The following TIAM1 variants were observed in gnomAD, a reference collection of about 807,000 sequenced individuals.
The protein encoded by TIAM1 is TIAM Rac1 associated GEF 1.
In TIAM1, 65 loss-of-function variants were observed where a neutral mutation model predicts 163.5. The observed-to-expected ratio is 0.40, with a 90% CI of 0.33 to 0.49. The LOEUF (loss-of-function observed/expected upper bound fraction) is 0.49, where lower values mean the gene tolerates loss of function less well. TIAM1 is among the 20% of genes least tolerant of loss of function. The probability of loss-of-function intolerance (pLI) is 0.77; values close to 1 mark genes in which losing one functional copy is unlikely to be tolerated. For synonymous variants in TIAM1, 833 were observed against 810.1 expected, an observed-to-expected ratio of 1.03 and a Z score of -0.48; for missense variants, 1,789 against 2,044.7, an observed-to-expected ratio of 0.87 and a Z score of 2.41.
At chr21:31,476,355 G>A (rs1349580217) in intron 1 of TIAM1, among the ~76,000 whole-genome samples, 2 of 152,156 alleles carry the variant, frequency 1.3e-5, no homozygotes, top group African/African-American at 4.8e-5. Context: ...TGCAAAATTT[G>A]TCTTCTCTTT....
chr21:31,397,277 A>G (rs1001968533), intron 2 of TIAM1, among the ~76,000 whole-genome samples: 2 of 152,206 alleles, frequency 1.3e-5, no homozygotes, highest in African/African-American at 2.4e-5. Flanking sequence ...GTCATTTTAT[A>G]AACAGCAAAA....
At chr21:31,137,008 G>A (rs1325854739) in intron 22 of TIAM1, among the ~76,000 whole-genome samples, 7 of 152,228 alleles carry the variant, frequency 4.6e-5, no homozygotes, top group African/African-American at 1.4e-4. Flanking sequence ...GCGGTCACAC[G>A]CTAAACTGTC....
chr21:31,153,842 C>T (rs1393042140), intron 17 of TIAM1, among the ~76,000 whole-genome samples: 1 of 151,956 alleles, frequency 6.6e-6, no homozygotes, highest in Non-Finnish European at 1.5e-5. Context: ...GGGAGGATCG[C>T]TTGAGCCCAT....
chr21:31,229,753 A>G (rs2088296992), intron 6 of TIAM1, among the ~76,000 whole-genome samples: 1 of 151,974 alleles, frequency 6.6e-6, no homozygotes, highest in South Asian at 2.1e-4. Flanking sequence ...CCCAAGTTCA[A>G]GAGATTCTCC....
chr21:31,123,096 A>G (rs1249306428), intron 27 of TIAM1, among the ~76,000 whole-genome samples: 1 of 152,224 alleles, frequency 6.6e-6, no homozygotes, highest in Non-Finnish European at 1.5e-5. Flanking sequence ...ATGACGGACG[A>G]TGGTGTTAAA....
intron 13 of TIAM1, among the ~76,000 whole-genome samples, chr21:31,194,173 T>C (rs997956233): frequency 1.3e-5 from 2 of 152,012 alleles, no homozygotes; most frequent in African/African-American, 4.8e-5. Flanking sequence ...TAAACCCACT[T>C]CTTGTGTGTC....
At chr21:31,527,076 G>A (rs1019457092) in intron 1 of TIAM1, among the ~76,000 whole-genome samples, 3 of 152,114 alleles carry the variant, frequency 2.0e-5, no homozygotes, top group African/African-American at 4.8e-5. Context: ...CACACACTGT[G>A]GAACAGACAC....
Position 31,245,589 on chromosome 21 carries a change from C to A in TIAM1, c.1483G>T (p.Val495Phe). The A allele has an allele frequency of 6.2e-7, 1 of 1,608,416 alleles. No individual in the cohort carries two copies. The highest frequency in any genetic ancestry group is 1.1e-5 in the South Asian group (1 of 89,802). ...IDHNSIPKHAVWVENSIVQAV... is the reference protein window; with the variant it reads ...IDHNSIPKHAFWVENSIVQAV... Reference sequence around the variant, plus strand: ...TGCACAATGCTGTTCTCCACCCAGACGGCGTGTTTGGGGATGCTGTTGTGG... The same window carrying A: ...TGCACAATGCTGTTCTCCACCCAGAAGGCGTGTTTGGGGATGCTGTTGTGG... Residue 495 changes from valine to phenylalanine, a missense_variant, in exon 6 of 28, where the codon GTC (valine) becomes TTC (phenylalanine). Around this residue, in one of 5 missense-constraint regions of TIAM1, gnomAD observed 456 missense variants for 586.6 expected, o/e 0.78. Transcript: ENST00000541036.
intron 1 of TIAM1, among the ~76,000 whole-genome samples, chr21:31,556,267 T>C (rs2048875040): frequency 1.3e-5 from 2 of 152,194 alleles, no homozygotes; most frequent in South Asian, 4.1e-4. Flanking sequence ...CTAGCAACAA[T>C]GCTACTGGCC....
At chr21:31,131,057 A>C in intron 23 of TIAM1, 109 bp from the exon 24 acceptor site, 1 of 861,364 alleles carries the variant, frequency 1.2e-6, no homozygotes, top group Non-Finnish European at 1.8e-6. Context: ...GGACGTTGAG[A>C]TCCCAGTTAA....
chr21:31,435,023 G>C (rs981680377), intron 2 of TIAM1, among the ~76,000 whole-genome samples: 1 of 152,232 alleles, frequency 6.6e-6, no homozygotes, highest in Non-Finnish European at 1.5e-5. Flanking sequence ...AGATCAGTCT[G>C]AACAGACTAC....
At chr21:31,228,250 A>AGGATTTTTCCTTT (rs2088170561) in intron 6 of TIAM1, among the ~76,000 whole-genome samples, 2 of 133,042 alleles carry the variant, frequency 1.5e-5, no homozygotes, top group African/African-American at 7.1e-5. Context: ...AAAAAAAAAA[A>AGGATTTTTCCTTT]AAAAAAAAAG....
rs1422879435 is a variant in TIAM1 at position 31,119,124 on chromosome 21, T to C, written c.*1244A>G. 6.6e-6 allele frequency: 1 copy of C among 150,790 alleles called. No homozygotes were observed. The highest frequency in any genetic ancestry group is 1.5e-5 in the Non-Finnish European group (1 of 68,164). 9.3% of individuals were successfully genotyped at this position (150,790 alleles called of 1,614,324 possible). A position where few individuals can be genotyped will look rare whatever the true frequency, so the allele number is the denominator to read the frequency against. On this transcript the variant is annotated 3_prime_UTR_variant, in exon 28 of 28. Coordinates refer to ENST00000541036, the MANE Select transcript of TIAM1 (RefSeq NM_001353694.2). ...CCTTTTTTTAAAAAAAAAAAAAAAA[T>C]TGAAAGTGCTATAACTTGTTTTTCT...
At chr21:31,312,002 A>C (rs2074948896) in intron 2 of TIAM1, among the ~76,000 whole-genome samples, 1 of 152,214 alleles carries the variant, frequency 6.6e-6, no homozygotes, top group Admixed American at 6.5e-5. Flanking sequence ...CTTGAACATC[A>C]GACTCCAAGT....
chr21:31,322,864 C>G (rs137864006), intron 2 of TIAM1, among the ~76,000 whole-genome samples: 1 of 152,190 alleles, frequency 6.6e-6, no homozygotes, highest in East Asian at 1.9e-4. Context: ...TTCAGCCAGG[C>G]GGGGCCCACT....
intron 1 of TIAM1, among the ~76,000 whole-genome samples, chr21:31,477,069 T>C (rs866650797): frequency 3.0e-4 from 45 of 152,334 alleles, no homozygotes; most frequent in African/African-American, 1.0e-3. Context: ...TTTCTTAATG[T>C]AGACATGTAT....
At chr21:31,540,080 G>A (rs1252939718) in intron 1 of TIAM1, among the ~76,000 whole-genome samples, 1 of 151,880 alleles carries the variant, frequency 6.6e-6, no homozygotes, top group African/African-American at 2.4e-5. Context: ...CAAGGGAAAG[G>A]ATCAATAAAA....
At chr21:31,165,117 A>G (rs1319592078) in intron 15 of TIAM1, 52 bp from the exon 16 acceptor site, 1 of 1,556,756 alleles carries the variant, frequency 6.4e-7, no homozygotes. Context: ...AGTAATTGCT[A>G]AAAGCCACCC....
At chr21:31,124,360 G>T (rs1415854485) in intron 27 of TIAM1, 162 bp downstream of exon 27, 3 of 968,678 alleles carry the variant, frequency 3.1e-6, no homozygotes, top group Admixed American at 3.6e-5. Context: ...CACTGGGAAG[G>T]AGGCAAGGGC....
Sources: allele counts gnomAD v4.1 joint callset (sites outside exome capture counted in the v4.1 genomes callset), GRCh38; gene constraint gnomAD v4.1.1; regional missense constraint gnomAD v4.1.1; transcripts MANE v1.5; gene names NCBI Gene and HGNC (gene_info 2026-07-23, HGNC 2026-07-21).